Variants in RASSF6 observed in about 807,000 individuals in gnomAD.
RASSF6 encodes ras association domain-containing protein 6.
Under a neutral mutation model 44.0 loss-of-function variants are expected in RASSF6, and 52 were observed. The ratio of observed to expected loss-of-function variants is 1.18; its 90% CI spans 0.95 to 1.49. The LOEUF (loss-of-function observed/expected upper bound fraction) is 1.49, where lower values mean the gene tolerates loss of function less well. Among genes scored for constraint, RASSF6 ranks in the 40% most tolerant of loss-of-function variants. The pLI, the probability that RASSF6 is intolerant of heterozygous loss-of-function variation, is 0.00. For synonymous variants in RASSF6, 162 were observed against 124.6 expected (o/e 1.30, Z -2.00); for missense variants, 464 against 393.3 (o/e 1.18, Z -1.52).
intron 3 of RASSF6, among the ~76,000 whole-genome samples, chr4:73,595,391 G>T (rs1428865879): frequency 1.3e-5 from 2 of 151,978 alleles, no homozygotes; most frequent in African/African-American, 2.4e-5. Flanking sequence ...TGGAGACAGG[G>T]TATTGCTATG....
chr4:73,604,397 C>T (rs1725487642), intron 2 of RASSF6: 1 of 152,160 alleles, frequency 6.6e-6, no homozygotes, highest in South Asian at 2.1e-4. Flanking sequence ...TGGCGTGAAC[C>T]CGGGAGGTGG....
rs1231475281 is a variant in RASSF6, at chr4:73,576,099, CT to C, written c.*135del. 1.7e-5 allele frequency: 9 copies of C among 540,262 alleles called. No individual in the cohort carries two copies. Among genetic ancestry groups the C allele is most frequent in the South Asian group, 3.1e-5 (1 of 31,808 alleles). 33.5% of individuals were successfully genotyped at this position (540,262 alleles called of 1,614,324 possible). On this transcript the variant is annotated 3_prime_UTR_variant, in exon 11 of 11. Transcript: ENST00000307439. ...CCTCATCACTTCAAAAAGAAATGAGCTTTTTTTGACATTCAATTTTCTACGA... is the reference window on the plus strand; with the variant it reads ...CCTCATCACTTCAAAAAGAAATGAGCTTTTTTGACATTCAATTTTCTACGA...
chr4:73,611,691 T>C (rs755174295), intron 2 of RASSF6, 40 bp downstream of exon 2: 1 of 1,314,668 alleles, frequency 7.6e-7, no homozygotes, highest in Non-Finnish European at 1.1e-6. Flanking sequence ...CACAAATGAC[T>C]GGTGAGTAGG....
chr4:73,585,906 A>G (rs920929828), intron 5 of RASSF6, among the ~76,000 whole-genome samples: 6 of 151,010 alleles, frequency 4.0e-5, no homozygotes, highest in Non-Finnish European at 5.9e-5. Context: ...ATATGTATAC[A>G]TGTGCCATGC....
At chr4:73,580,086 T>C (rs1390227124) in intron 8 of RASSF6, among the ~76,000 whole-genome samples, 1 of 142,876 alleles carries the variant, frequency 7.0e-6, no homozygotes, top group African/African-American at 2.6e-5. Context: ...TGTGTTCTCA[T>C]TGTTCAATTC....
In RASSF6 at chr4:73,587,883, G is replaced by C; in HGVS notation, c.339C>G (p.Asp113Glu). 2 of 1,610,482 alleles carry C rather than the reference G, an allele frequency of 1.2e-6. No individual in the cohort carries two copies. Among genetic ancestry groups the C allele is most frequent in the Non-Finnish European group, 1.7e-6 (2 of 1,177,520 alleles). ...FDDLYRISEL[D>E]RTQIPMSEKR... is the part of the protein sequence containing the mutation. ...TTTCAGACATAGGAATCTGGGTCCT[G>C]TCCAGCTCACTAATACGATAGAGAT... Residue 113 changes from aspartate to glutamate, a missense_variant, in exon 5 of 11, where the codon GAC (aspartate) becomes GAG (glutamate). Coordinates refer to ENST00000307439, the MANE Select transcript of RASSF6 (RefSeq NM_177532.5).
At chr4:73,583,597 G>A (rs374136613) in intron 6 of RASSF6, among the ~76,000 whole-genome samples, 3 of 152,132 alleles carry the variant, frequency 2.0e-5, no homozygotes, top group Non-Finnish European at 4.4e-5. Context: ...CTAGATGTCC[G>A]TCATTGTATA....
chr4:73,581,167 C>G, intron 8 of RASSF6, among the ~76,000 whole-genome samples: 1 of 152,086 alleles, frequency 6.6e-6, no homozygotes, highest in East Asian at 1.9e-4. Flanking sequence ...CATTCTGACA[C>G]TTAAATTATA....
intron 1 of RASSF6, among the ~76,000 whole-genome samples, chr4:73,613,312 A>T (rs1335512866): frequency 6.6e-6 from 1 of 152,132 alleles, no homozygotes; most frequent in East Asian, 1.9e-4. Context: ...CCACATGGGC[A>T]TTTTATGCTG....
intron 5 of RASSF6, among the ~76,000 whole-genome samples, chr4:73,587,510 T>C (rs1411087254): frequency 1.3e-5 from 2 of 152,190 alleles, no homozygotes; most frequent in East Asian, 3.9e-4. Context: ...TAAATGACTC[T>C]AATCTTTGGG....
chr4:73,581,876 G>C lies in RASSF6; in HGVS notation c.670-8C>G, dbSNP rs1723677268. On this transcript the variant is annotated splice_polypyrimidine_tract_variant and splice_region_variant and intron_variant, in intron 7 of 10. Coordinates refer to ENST00000307439, the MANE Select transcript of RASSF6 (RefSeq NM_177532.5). Reference sequence around the variant, plus strand: ...CTGGGGACTATTTTCAATCTGTCAAGGGAAAAAATGAACAAATATAAATTC... The same window carrying C: ...CTGGGGACTATTTTCAATCTGTCAACGGAAAAAATGAACAAATATAAATTC... 6.2e-7 allele frequency: 1 copy of C among 1,603,186 alleles called. No homozygotes were observed.
chr4:73,615,244 C>A (rs1726278440), intron 1 of RASSF6, among the ~76,000 whole-genome samples: 1 of 150,764 alleles, frequency 6.6e-6, no homozygotes, highest in Non-Finnish European at 1.5e-5. Flanking sequence ...AGGCATAGAT[C>A]TATGAATTCA....
chr4:73,600,060 C>T (rs1338516396), intron 2 of RASSF6, among the ~76,000 whole-genome samples: 1 of 152,216 alleles, frequency 6.6e-6, no homozygotes, highest in Non-Finnish European at 1.5e-5. Flanking sequence ...AATCAAAAGT[C>T]ATCTTCTCAA....
chr4:73,576,830 G>T lies in RASSF6; in HGVS notation c.722-99C>A. 5.3e-6 allele frequency: 4 copies of T among 759,640 alleles called. No homozygotes were observed. In the South Asian group the frequency reaches 6.1e-5, roughly 12 times the overall value. The allele number at this position is 759,640 out of a possible 1,614,324, so 47.1% of individuals were successfully genotyped here. ...TTATTTTTCGTATTTAACTCACTTTGAAAAAAATAACACCTGCAACAGGAG... is the reference window on the plus strand; with the variant it reads ...TTATTTTTCGTATTTAACTCACTTTTAAAAAAATAACACCTGCAACAGGAG... On this transcript the variant is annotated intron_variant, in intron 8 of 10. Transcript: ENST00000307439.
intron 6 of RASSF6, among the ~76,000 whole-genome samples, chr4:73,584,074 G>A (rs561009954): frequency 1.3e-5 from 2 of 152,052 alleles, no homozygotes; most frequent in African/African-American, 4.8e-5. Context: ...ACAATTGGTA[G>A]GTACCTCTCT....
Position 73,582,251 on chromosome 4 carries a change from C to A in RASSF6, c.607G>T (p.Val203Phe), listed in dbSNP as rs745667189. ...FIPAFESETKVRVNSNMRTEE... is the reference protein window; with the variant it reads ...FIPAFESETKFRVNSNMRTEE... ...GTTCTCATGTTACTGTTTACTCTGACCTTAGTTTCTGATTCAAAGGCTGGA... is the reference window on the plus strand; with the variant it reads ...GTTCTCATGTTACTGTTTACTCTGAACTTAGTTTCTGATTCAAAGGCTGGA... Residue 203 changes from valine (V) to phenylalanine (F), a missense_variant, in exon 7 of 11, where the codon GTC (valine) becomes TTC (phenylalanine). By Grantham distance (50) the Val-to-Phe change is conservative. Transcript: ENST00000307439. 2 of 1,595,930 alleles carry A rather than the reference C, an allele frequency of 1.3e-6. No homozygotes were observed. The highest frequency in any genetic ancestry group is 1.1e-5 in the South Asian group (1 of 88,230).
At chr4:73,598,236 C>A (rs1725064763) in intron 3 of RASSF6, among the ~76,000 whole-genome samples, 1 of 151,952 alleles carries the variant, frequency 6.6e-6, no homozygotes, top group African/African-American at 2.4e-5. Flanking sequence ...ATTTTAAAAC[C>A]CAAATCAAAT....
chr4:73,609,247 C>T (rs1725851839), intron 2 of RASSF6, among the ~76,000 whole-genome samples: 1 of 152,040 alleles, frequency 6.6e-6, no homozygotes, highest in Non-Finnish European at 1.5e-5. Context: ...CTAAAGTGCC[C>T]AGATTTCAGC....
intron 1 of RASSF6, among the ~76,000 whole-genome samples, chr4:73,615,359 T>TAGAG (rs1726286921): frequency 3.3e-3 from 1 of 300 alleles, no homozygotes; most frequent in Non-Finnish European, 0.014. Context: ...AAAGACTTGG[T>TAGAG]AGATATAAGC....
Sources: allele counts gnomAD v4.1 joint callset (sites outside exome capture counted in the v4.1 genomes callset), GRCh38; gene constraint gnomAD v4.1.1; transcripts MANE v1.5; gene names NCBI Gene and HGNC (gene_info 2026-07-23, HGNC 2026-07-21).